The following SLC25A53 variants were observed in gnomAD, a reference collection of about 807,000 sequenced individuals.
SLC25A53 encodes mitochondrial carrier triple repeat protein 6.
SLC25A53 carries 5 observed loss-of-function variants against 15.0 expected under a neutral mutation model. That is an observed-to-expected ratio of 0.33 (90% CI 0.17 to 0.70). The LOEUF (loss-of-function observed/expected upper bound fraction) is 0.70. Among genes scored for constraint, SLC25A53 ranks in the 30% least tolerant of loss-of-function variants. SLC25A53 has a pLI of 0.67. For synonymous variants in SLC25A53, 95 were observed against 100.0 expected (o/e 0.95, Z 0.30); for missense variants, 216 against 241.6 (o/e 0.89, Z 0.70).
intron 1 of SLC25A53, among the ~76,000 whole-genome samples, chrX:104,140,582 C>T (rs1001448355): frequency 1.8e-5 from 2 of 111,623 alleles, no homozygotes; most frequent in Admixed American, 1.9e-4. Context: ...CCCCCTTTAA[C>T]ATTGGTCTCT....
At chrX:104,121,890 T>TC (rs2075394315) in intron 1 of SLC25A53, among the ~76,000 whole-genome samples, 701 of 13,067 alleles carry the variant, frequency 0.054, 112 homozygotes, top group South Asian at 0.11. Context: ...TATATATATA[T>TC]ATATATATAT....
Position 104,103,358 on chromosome X carries a change from A to G in SLC25A53, c.*976T>C, listed in dbSNP as rs1490257779. The G allele has an allele frequency of 3.6e-5, 4 of 111,568 alleles. No individual in the cohort carries two copies. In the Admixed American group the frequency reaches 3.8e-4, roughly 11 times the overall value. The allele number at this position is 111,568 out of a possible 1,213,427, so 9.2% of individuals were successfully genotyped here. A position where few individuals can be genotyped will look rare whatever the true frequency, so the allele number is the denominator to read the frequency against. On this transcript the variant is annotated 3_prime_UTR_variant, in exon 2 of 2. Coordinates refer to ENST00000594199, the MANE Select transcript of SLC25A53 (RefSeq NM_001012755.5). ...TCATGGAATGTCTGGGGAGAGAACA[A>G]TAGTTCATTATGGCTAGTGTTTGGG...
chrX:104,117,743 T>C (rs986162043), intron 1 of SLC25A53, among the ~76,000 whole-genome samples: 2 of 111,786 alleles, frequency 1.8e-5, no homozygotes, highest in African/African-American at 3.3e-5. Context: ...TCTCCAAGAT[T>C]AGAATATAGT....
At chrX:104,121,278 A>G (rs1556362660) in intron 1 of SLC25A53, among the ~76,000 whole-genome samples, 1 of 112,442 alleles carries the variant, frequency 8.9e-6, no homozygotes, top group African/African-American at 3.2e-5. Flanking sequence ...ACTGCATTAA[A>G]TCCAATTATT....
intron 1 of SLC25A53, among the ~76,000 whole-genome samples, chrX:104,136,178 C>T (rs1200014117): frequency 2.7e-5 from 3 of 111,219 alleles, no homozygotes; most frequent in Admixed American, 9.7e-5. Context: ...TATGCATACA[C>T]ATTATATATG....
rs1188357455 is a variant in SLC25A53 at position 104,103,538 on chromosome X, T to C, written c.*796A>G. The C allele has an allele frequency of 1.8e-5, 2 of 111,846 alleles. No homozygotes were observed. The highest frequency in any genetic ancestry group is 3.8e-5 in the Non-Finnish European group (2 of 53,185). The allele number at this position is 111,846 out of a possible 1,213,427, so 9.2% of individuals were successfully genotyped here. A position where few individuals can be genotyped will look rare whatever the true frequency, so the allele number is the denominator to read the frequency against. On this transcript the variant is annotated 3_prime_UTR_variant, in exon 2 of 2. Transcript: ENST00000594199. ...TGCAATTTTCTGTGAAGAGATATGGTCACTTCACTTCCAGGTTTCTTAGGG... is the reference window on the plus strand; with the variant it reads ...TGCAATTTTCTGTGAAGAGATATGGCCACTTCACTTCCAGGTTTCTTAGGG...
chrX:104,133,102 T>C (rs1465453676), intron 1 of SLC25A53, among the ~76,000 whole-genome samples: 8 of 112,337 alleles, frequency 7.1e-5, no homozygotes, highest in Non-Finnish European at 1.5e-4. Context: ...CAGAGGGATA[T>C]AATGGAATCC....
chrX:104,147,175 C>A (rs1164140291), intron 1 of SLC25A53, among the ~76,000 whole-genome samples: 1 of 111,448 alleles, frequency 9.0e-6, no homozygotes, highest in Non-Finnish European at 1.9e-5. Context: ...TGATCTCTGG[C>A]AAACCTGAGA....
At position 104,099,253 on chromosome X, in the gene SLC25A53, TAGAAG is replaced by T. The variant is rs2075271812; in HGVS notation, c.*5076_*5080del. 1 of 112,110 alleles carries T rather than the reference TAGAAG, an allele frequency of 8.9e-6. No homozygotes were observed. Among genetic ancestry groups the T allele is most frequent in the South Asian group, 3.7e-4 (1 of 2,714 alleles). The allele number at this position is 112,110 out of a possible 1,213,427, so 9.2% of individuals were successfully genotyped here. ...AATTTATTGTGTATTTCAAAATAGC[TAGAAG>T]AGAAGATTTGGAATGTTCCCAATGC... On this transcript the variant is annotated 3_prime_UTR_variant, in exon 2 of 2. Transcript: ENST00000594199.
intron 1 of SLC25A53, chrX:104,114,658 G>C (rs2075367646): frequency 2.5e-6 from 3 of 1,210,475 alleles, no homozygotes; most frequent in African/African-American, 3.5e-5. Context: ...TTTAGGCGCT[G>C]AGCTGAATAG....
At chrX:104,106,462 C>G (rs782759719) in intron 1 of SLC25A53, among the ~76,000 whole-genome samples, 2 of 110,738 alleles carry the variant, frequency 1.8e-5, no homozygotes, top group Non-Finnish European at 3.8e-5. Flanking sequence ...AGGGGAGAGG[C>G]GGAGGGGCAT....
chrX:104,110,455 G>T (rs73530831), intron 1 of SLC25A53, among the ~76,000 whole-genome samples: 1 of 111,550 alleles, frequency 9.0e-6, no homozygotes, highest in East Asian at 2.8e-4. Context: ...AGGAACTCTA[G>T]ATCTTGGGGT....
At chrX:104,120,270 A>G (rs782159351) in intron 1 of SLC25A53, among the ~76,000 whole-genome samples, 3 of 111,294 alleles carry the variant, frequency 2.7e-5, no homozygotes, top group Non-Finnish European at 5.7e-5. Context: ...TATATTTTCA[A>G]CTTCACTAGA....
chrX:104,126,949 C>A (rs1183633513), intron 1 of SLC25A53, among the ~76,000 whole-genome samples: 1 of 112,295 alleles, frequency 8.9e-6, no homozygotes, highest in African/African-American at 3.2e-5. Context: ...TGGCAATTTC[C>A]TATGAGACTA....
At chrX:104,106,295 G>T (rs2075309752) in intron 1 of SLC25A53, among the ~76,000 whole-genome samples, 2 of 111,144 alleles carry the variant, frequency 1.8e-5, no homozygotes, top group Non-Finnish European at 3.8e-5. Flanking sequence ...AAGGAATTTT[G>T]GGATCTAAAG....
In SLC25A53 at chrX:104,128,342, A is replaced by T. The variant is rs782773190; in HGVS notation, c.-31-23054T>A. Among the ~76,000 whole-genome samples, 7 of 112,242 alleles carry T rather than the reference A, an allele frequency of 6.2e-5. No homozygotes were observed. The South Asian group carries it at 1.8e-3, about 29-fold the overall frequency. On this transcript the variant is annotated intron_variant, in intron 1 of 1. Transcript: ENST00000594199. Reference sequence around the variant, plus strand: ...TTAGAAATCAAAACTGAAAAATTTTAAAATTTGTATTAATGTATTTAAAAT... The same window carrying T: ...TTAGAAATCAAAACTGAAAAATTTTTAAATTTGTATTAATGTATTTAAAAT...
chrX:104,119,257 G>A (rs782719706), intron 1 of SLC25A53, among the ~76,000 whole-genome samples: 8 of 111,777 alleles, frequency 7.2e-5, no homozygotes, highest in Non-Finnish European at 1.3e-4. Context: ...TTCTTTAATC[G>A]TATATTTTGT....
At chrX:104,147,543 C>T (rs782176499) in intron 1 of SLC25A53, among the ~76,000 whole-genome samples, 1 of 101,899 alleles carries the variant, frequency 9.8e-6, no homozygotes, top group Non-Finnish European at 2.0e-5. Context: ...ATTTTTGCAA[C>T]CTACTCATCT....
intron 1 of SLC25A53, among the ~76,000 whole-genome samples, chrX:104,152,587 G>T (rs782483894): frequency 5.1e-4 from 56 of 110,890 alleles, no homozygotes; most frequent in South Asian, 3.5e-3. Context: ...ACAGGCACCT[G>T]CCACCACGTC....
Sources: gnomAD v4.1 joint callset for allele counts (sites outside exome capture counted in the v4.1 genomes callset) on GRCh38, gnomAD v4.1.1 for gene constraint, MANE v1.5 for transcripts, NCBI Gene and HGNC (gene_info 2026-07-23, HGNC 2026-07-21) for gene names.